The following RORA variants were observed in gnomAD, a reference collection of about 807,000 sequenced individuals.
RORA encodes the protein nuclear receptor ROR-alpha.
Under a neutral mutation model 69.5 loss-of-function variants are expected in RORA, and 7 were observed. The observed-to-expected ratio is 0.10, with a 90% CI of 0.06 to 0.19. The LOEUF is 0.19. RORA is among the 10% of genes least tolerant of loss of function. The probability of loss-of-function intolerance (pLI) is 1.00; values close to 1 mark genes in which losing one functional copy is unlikely to be tolerated. For synonymous variants in RORA, 261 were observed against 240.8 expected (o/e 1.08, Z -0.78); for missense variants, 457 against 663.0 (o/e 0.69, Z 3.41).
At chr15:61,111,101 T>C (rs956036993) in intron 1 of RORA, among the ~76,000 whole-genome samples, 1 of 152,180 alleles carries the variant, frequency 6.6e-6, no homozygotes, top group East Asian at 1.9e-4. Context: ...AGACCAGAGA[T>C]AGTGAGACAA....
chr15:61,220,051 G>A (rs1167430280), intron 1 of RORA, among the ~76,000 whole-genome samples: 1 of 152,172 alleles, frequency 6.6e-6, no homozygotes, highest in African/African-American at 2.4e-5. Flanking sequence ...TATAGAAATT[G>A]CCCGGGTTCC....
At chr15:60,824,244 C>A (rs1234864785) in intron 1 of RORA, among the ~76,000 whole-genome samples, 1 of 152,168 alleles carries the variant, frequency 6.6e-6, no homozygotes, top group Admixed American at 6.5e-5. Flanking sequence ...CTTGATTCAA[C>A]CAGGCTCTTG....
chr15:60,579,290 C>G (rs1417491622), intron 2 of RORA, among the ~76,000 whole-genome samples: 2 of 152,094 alleles, frequency 1.3e-5, no homozygotes, highest in Non-Finnish European at 2.9e-5. Context: ...CTGAGAGGGC[C>G]TTGGGGCCCC....
chr15:61,062,386 A>G (rs2078199082), intron 1 of RORA, among the ~76,000 whole-genome samples: 1 of 152,042 alleles, frequency 6.6e-6, no homozygotes, highest in Admixed American at 6.6e-5. Flanking sequence ...TTGATTCTGT[A>G]TTTCCTCTGC....
Position 61,213,726 on chromosome 15 carries a change from A to T in RORA, c.166+15327T>A, listed in dbSNP as rs551269787. The T allele has an allele frequency of 4.6e-5, 7 of 152,302 alleles. No individual in the cohort carries two copies. Among genetic ancestry groups the T allele is most frequent in the African/African-American group, 1.4e-4 (6 of 41,548 alleles). 9.4% of individuals were successfully genotyped at this position (152,302 alleles called of 1,614,324 possible). On this transcript the variant is annotated intron_variant, in intron 1 of 10. Coordinates refer to ENST00000335670, the MANE Select transcript of RORA (RefSeq NM_134261.3). This position sits in a 1 kb window ranked among gnomAD's most constrained non-coding sequence, Gnocchi z 4.1. ...TAGGTTTCCTAAGTATCTCTACTAT[A>T]GCATGCTACATCTTTTTAAAGTAAT...
At chr15:60,944,286 C>G (rs1160962213) in intron 1 of RORA, among the ~76,000 whole-genome samples, 3 of 152,166 alleles carry the variant, frequency 2.0e-5, no homozygotes, top group Non-Finnish European at 2.9e-5. Flanking sequence ...GGAAGATCCT[C>G]CCATGCAACT....
intron 1 of RORA, among the ~76,000 whole-genome samples, chr15:60,909,394 C>T (rs1442860404): frequency 1.3e-5 from 2 of 152,200 alleles, no homozygotes; most frequent in Admixed American, 1.3e-4. Flanking sequence ...CTCTTTAGAA[C>T]CTAGGTGGGC....
intron 3 of RORA, chr15:60,527,990 A>G (rs933090578): frequency 9.8e-5 from 15 of 152,328 alleles, no homozygotes; most frequent in Admixed American, 9.2e-4. Context: ...TTCCTCCTCA[A>G]TGAAACCTTG....
chr15:61,229,030 C>A lies in RORA; in HGVS notation c.166+23G>T, dbSNP rs758263265. On this transcript the variant is annotated intron_variant, in intron 1 of 10. Transcript: ENST00000335670. Reference sequence around the variant, plus strand: ...CGCCCGGGCTCCCGCCGCCCCCTCCCCAGCCCCTCTCCAGCCTCCTACCTC... The same window carrying A: ...CGCCCGGGCTCCCGCCGCCCCCTCCACAGCCCCTCTCCAGCCTCCTACCTC... 6.2e-6 allele frequency: 9 copies of A among 1,448,260 alleles called. No individual in the cohort carries two copies. In the East Asian group the frequency reaches 9.4e-5, roughly 15 times the overall value. The allele number at this position is 1,448,260 out of a possible 1,614,324, so 89.7% of individuals were successfully genotyped here. A position where few individuals can be genotyped will look rare whatever the true frequency, so the allele number is the denominator to read the frequency against.
At chr15:60,950,807 C>A (rs1443008551) in intron 1 of RORA, among the ~76,000 whole-genome samples, 4 of 120,592 alleles carry the variant, frequency 3.3e-5, no homozygotes, top group Non-Finnish European at 6.9e-5. Flanking sequence ...GAGTGACCTA[C>A]AAAGAGACTT....
Position 61,126,963 on chromosome 15 carries a change from T to C in RORA, c.166+102090A>G, listed in dbSNP as rs564999216. Among the ~76,000 whole-genome samples the C allele has an allele frequency of 7.2e-5, 11 of 152,330 alleles. 1 individual carries two copies. Among genetic ancestry groups the C allele is most frequent in the African/African-American group, 2.6e-4 (11 of 41,568 alleles). On this transcript the variant is annotated intron_variant, in intron 1 of 10. Coordinates refer to ENST00000335670, the MANE Select transcript of RORA (RefSeq NM_134261.3). ...ATTTTTGGCGGAGAACAAATTGCCC[T>C]GGGAGAGGTATTGTATAATTTCATT...
chr15:60,520,567 C>T (rs1413910505), intron 3 of RORA, among the ~76,000 whole-genome samples: 3 of 152,050 alleles, frequency 2.0e-5, no homozygotes, highest in Non-Finnish European at 4.4e-5. Context: ...TAGTGTGTTT[C>T]TAAGTACAGA....
intron 1 of RORA, among the ~76,000 whole-genome samples, chr15:61,137,692 T>C (rs28452954): frequency 0.01 from 1,596 of 152,318 alleles, 26 homozygotes; most frequent in African/African-American, 0.037. Flanking sequence ...TTAAAACATG[T>C]GCTTAGATGA....
chr15:60,656,300 C>T (rs1018145336), intron 2 of RORA, among the ~76,000 whole-genome samples: 1 of 152,180 alleles, frequency 6.6e-6, no homozygotes, highest in African/African-American at 2.4e-5. Flanking sequence ...GTGCAGCATG[C>T]ATATGTGTCT....
chr15:60,775,861 T>C (rs2140333347), intron 1 of RORA, among the ~76,000 whole-genome samples: 1 of 152,344 alleles, frequency 6.6e-6, no homozygotes, highest in Non-Finnish European at 1.5e-5. Context: ...CACCCCGTCC[T>C]TTCATGGCTG....
chr15:60,934,529 C>A (rs147296689), intron 1 of RORA, among the ~76,000 whole-genome samples: 161 of 152,118 alleles, frequency 1.1e-3, no homozygotes, highest in Non-Finnish European at 1.9e-3. Context: ...GATATGAGGT[C>A]TCACTATGTG....
intron 2 of RORA, chr15:60,601,053 T>C (rs1416866277): frequency 6.6e-6 from 1 of 152,068 alleles, no homozygotes; most frequent in Non-Finnish European, 1.5e-5. Context: ...AAGAAAAAAA[T>C]CCAGGTACAC....
chr15:60,625,009 A>C (rs534346084), intron 2 of RORA, among the ~76,000 whole-genome samples: 1 of 152,346 alleles, frequency 6.6e-6, no homozygotes, highest in East Asian at 1.9e-4. Flanking sequence ...TGTAGGGCTT[A>C]GTGAAAACAC....
chr15:60,834,819 C>G (rs984801104), intron 1 of RORA, among the ~76,000 whole-genome samples: 1 of 152,130 alleles, frequency 6.6e-6, no homozygotes, highest in South Asian at 2.1e-4. Flanking sequence ...CCCAATGCCT[C>G]GAGTTTTCCT....
Sources: allele counts gnomAD v4.1 joint callset (sites outside exome capture counted in the v4.1 genomes callset), GRCh38; gene constraint gnomAD v4.1.1; non-coding constraint Gnocchi (gnomAD v3.1); transcripts MANE v1.5; gene names NCBI Gene and HGNC (gene_info 2026-07-23, HGNC 2026-07-21).